Variants in SNTG1 observed in about 807,000 individuals in gnomAD.
The protein encoded by SNTG1 is gamma-1-syntrophin.
Under a neutral mutation model 74.7 loss-of-function variants are expected in SNTG1, and 39 were observed. That is an observed-to-expected ratio of 0.52 (90% CI 0.40 to 0.68). The LOEUF is 0.68. Ranked by LOEUF, SNTG1 falls within the 30% of genes least tolerant of loss-of-function variation. SNTG1 has a pLI of 0.00. For missense variants in SNTG1, 685 were observed against 609.5 expected (o/e 1.12, Z -1.30); for synonymous variants, 254 against 217.1 (o/e 1.17, Z -1.49).
intron 1 of SNTG1, among the ~76,000 whole-genome samples, chr8:50,089,860 G>T (rs1334513963): frequency 6.6e-6 from 1 of 152,024 alleles, no homozygotes; most frequent in Non-Finnish European, 1.5e-5. Flanking sequence ...GATTCCTCAG[G>T]GATCTAGAAC....
Position 50,658,620 on chromosome 8 carries a change from A to C in SNTG1, c.995A>C (p.Glu332Ala). The C allele has an allele frequency of 6.2e-7, 1 of 1,610,656 alleles. No individual in the cohort carries two copies. The highest frequency in any genetic ancestry group is 2.2e-5 in the East Asian group (1 of 44,690). The stretch of plus-strand genomic sequence containing the variant: ...ACCACCTGGGACTGGACGAGAGCAG[A>C]GAAAACATTCTCAGTTTATGAGATT... Reference protein sequence around the residue: ...PVTTWDWTRAEKTFSVYEIMC... With the variant: ...PVTTWDWTRAAKTFSVYEIMC... Residue 332 changes from glutamate to alanine, a missense_variant, in exon 15 of 19, where the codon GAG (glutamate) becomes GCG (alanine). Coordinates refer to ENST00000642720, the MANE Select transcript of SNTG1 (RefSeq NM_018967.5).
intron 15 of SNTG1, among the ~76,000 whole-genome samples, chr8:50,690,869 T>A (rs1401849786): frequency 1.3e-5 from 2 of 152,124 alleles, no homozygotes; most frequent in African/African-American, 4.8e-5. Flanking sequence ...CCCGTTATTA[T>A]TGTGTGGGAG....
intron 1 of SNTG1, among the ~76,000 whole-genome samples, chr8:50,061,452 T>C (rs1342164362): frequency 6.6e-6 from 1 of 152,060 alleles, no homozygotes; most frequent in African/African-American, 2.4e-5. Context: ...ATTGATTCTT[T>C]TAGAAAACCA....
chr8:50,683,257 G>T (rs543690003), intron 15 of SNTG1, among the ~76,000 whole-genome samples: 29 of 152,222 alleles, frequency 1.9e-4, no homozygotes, highest in African/African-American at 7.0e-4. Context: ...TGAGAACTTT[G>T]CTTGAAAATA....
intron 1 of SNTG1, among the ~76,000 whole-genome samples, chr8:50,024,837 A>G (rs1218604668): frequency 1.3e-5 from 2 of 152,140 alleles, no homozygotes; most frequent in East Asian, 3.9e-4. Context: ...TGGGTGGGCA[A>G]GTAGTGTAGA....
intron 1 of SNTG1, among the ~76,000 whole-genome samples, chr8:50,150,321 C>T (rs1275163046): frequency 2.6e-5 from 4 of 152,140 alleles, no homozygotes; most frequent in Non-Finnish European, 5.9e-5. Context: ...TCTAAATATA[C>T]AATCATGTCA....
chr8:49,942,292 T>C (rs1169262666), intron 1 of SNTG1, among the ~76,000 whole-genome samples: 2 of 152,198 alleles, frequency 1.3e-5, no homozygotes, highest in East Asian at 3.9e-4. Context: ...TACAAAGCTC[T>C]TTATAGACAA....
At position 50,369,567 on chromosome 8, in the gene SNTG1, G is replaced by C. The variant is rs376652071; in HGVS notation, c.-27-24645G>C. Among the ~76,000 whole-genome samples the C allele has an allele frequency of 3.7e-4, 56 of 151,192 alleles. 1 individual carries two copies. Among genetic ancestry groups the C allele is most frequent in the African/African-American group, 1.4e-3 (56 of 41,062 alleles). On this transcript the variant is annotated intron_variant, in intron 2 of 18. Transcript: ENST00000642720. ...GCTAAGATTGCATCATTGCACCCCA[G>C]CCTGGGCAACAAGAGCAAAACTCCG...
intron 2 of SNTG1, among the ~76,000 whole-genome samples, chr8:50,311,482 G>A (rs953858268): frequency 6.6e-6 from 1 of 152,214 alleles, no homozygotes; most frequent in Non-Finnish European, 1.5e-5. Context: ...GATCCCTTGA[G>A]TGGATACATT....
chr8:50,599,549 T>C lies in SNTG1; in HGVS notation c.849+8632T>C, dbSNP rs569531438. 1.4e-4 allele frequency among the ~76,000 whole-genome samples: 21 copies of C among 152,184 alleles called. 1 individual carries two copies. In the South Asian group the frequency reaches 4.2e-3, roughly 30 times the overall value. ...TTTAATTTCTTTCACCAATGTTTTA[T>C]AGTTTTCTTTGAGGTGATCTTTCAT... On this transcript the variant is annotated intron_variant, in intron 13 of 18. Transcript: ENST00000642720.
chr8:50,403,325 A>G (rs560324417), intron 4 of SNTG1, among the ~76,000 whole-genome samples: 1 of 152,354 alleles, frequency 6.6e-6, no homozygotes, highest in African/African-American at 2.4e-5. Flanking sequence ...CCCTAAATCA[A>G]TAGGCCTTTG....
At chr8:50,515,138 A>C (rs1249721226) in intron 9 of SNTG1, among the ~76,000 whole-genome samples, 1 of 152,184 alleles carries the variant, frequency 6.6e-6, no homozygotes, top group Non-Finnish European at 1.5e-5. Flanking sequence ...AGTTGACAGC[A>C]TACATAAGCA....
At chr8:50,566,748 T>A (rs1317015703) in intron 12 of SNTG1, among the ~76,000 whole-genome samples, 1 of 151,894 alleles carries the variant, frequency 6.6e-6, no homozygotes. Context: ...TCTTTTTGTG[T>A]TGTGGAAAAT....
chr8:50,417,251 G>T (rs1369970249), intron 4 of SNTG1, among the ~76,000 whole-genome samples: 1 of 152,036 alleles, frequency 6.6e-6, no homozygotes, highest in Non-Finnish European at 1.5e-5. Flanking sequence ...GCAGAATTTT[G>T]ACACTCCTTG....
In SNTG1 at chr8:50,238,781, C is replaced by A. The variant is rs2086035018; in HGVS notation, c.-28+66146C>A. Among the ~76,000 whole-genome samples, 3 of 151,986 alleles carry A rather than the reference C, an allele frequency of 2.0e-5. No individual in the cohort carries two copies. In the South Asian group the frequency reaches 6.2e-4, roughly 32 times the overall value. ...TGATATCCAAAATGTACAAGGAACT[C>A]AAACAAATTTGCAAGAAGAAAACAA... On this transcript the variant is annotated intron_variant, in intron 2 of 18. Coordinates refer to ENST00000642720, the MANE Select transcript of SNTG1 (RefSeq NM_018967.5).
At chr8:50,292,861 T>G (rs1382760675) in intron 2 of SNTG1, among the ~76,000 whole-genome samples, 3 of 152,112 alleles carry the variant, frequency 2.0e-5, no homozygotes, top group African/African-American at 7.2e-5. Flanking sequence ...TGTAAGTTTA[T>G]AACATAAGAA....
intron 18 of SNTG1, among the ~76,000 whole-genome samples, chr8:50,786,953 A>C (rs530271589): frequency 2.4e-4 from 36 of 152,090 alleles, no homozygotes; most frequent in Non-Finnish European, 4.3e-4. Context: ...CCACACCAAA[A>C]GCACAAGAAT....
chr8:50,667,973 C>T (rs1371412186), intron 15 of SNTG1, among the ~76,000 whole-genome samples: 2 of 151,684 alleles, frequency 1.3e-5, no homozygotes, highest in South Asian at 2.1e-4. Flanking sequence ...CGTTACAGGC[C>T]GTGCACTTAG....
chr8:49,966,805 C>T (rs540300994), intron 1 of SNTG1, among the ~76,000 whole-genome samples: 69 of 152,076 alleles, frequency 4.5e-4, no homozygotes, highest in South Asian at 3.3e-3. Flanking sequence ...GGTATGATGA[C>T]GTGTGAAATT....
Sources: gnomAD v4.1 joint callset for allele counts (sites outside exome capture counted in the v4.1 genomes callset) on GRCh38, gnomAD v4.1.1 for gene constraint, MANE v1.5 for transcripts, NCBI Gene and HGNC (gene_info 2026-07-23, HGNC 2026-07-21) for gene names.